The following SLIT3 variants were observed in gnomAD, a reference collection of about 807,000 sequenced individuals.
The protein encoded by SLIT3 is slit homolog 3 protein.
Under a neutral mutation model 184.0 loss-of-function variants are expected in SLIT3, and 68 were observed. That is an observed-to-expected ratio of 0.37 (90% CI 0.30 to 0.45). The LOEUF (loss-of-function observed/expected upper bound fraction) is 0.45. Ranked by LOEUF, SLIT3 falls within the 20% of genes least tolerant of loss-of-function variation. The pLI, the probability that SLIT3 is intolerant of heterozygous loss-of-function variation, is 1.00. For missense variants in SLIT3, 1,707 were observed against 2,026.0 expected, an observed-to-expected ratio of 0.84 and a Z score of 3.02; for synonymous variants, 831 against 828.6, an observed-to-expected ratio of 1.00 and a Z score of -0.05.
At chr5:168,961,124 C>T (rs1161301758) in intron 4 of SLIT3, among the ~76,000 whole-genome samples, 1 of 152,206 alleles carries the variant, frequency 6.6e-6, no homozygotes, top group African/African-American at 2.4e-5. Context: ...CTTACCTCCC[C>T]TTTCCCCCTT....
chr5:168,811,136 T>C (rs192910728), intron 8 of SLIT3, among the ~76,000 whole-genome samples: 1 of 152,120 alleles, frequency 6.6e-6, no homozygotes, highest in Admixed American at 6.5e-5. Context: ...GATGGGCCCA[T>C]GGAGATGGCA....
chr5:169,290,094 T>TACGCCAGGGCAC (rs1408498161), intron 1 of SLIT3, among the ~76,000 whole-genome samples: 23 of 147,998 alleles, frequency 1.6e-4, no homozygotes, highest in Non-Finnish European at 3.0e-4. Flanking sequence ...CACTAGGGCA[T>TACGCCAGGGCAC]ACGCCAGGGC....
At chr5:169,247,379 A>C (rs897849390) in intron 2 of SLIT3, among the ~76,000 whole-genome samples, 1 of 152,192 alleles carries the variant, frequency 6.6e-6, no homozygotes, top group South Asian at 2.1e-4. Context: ...AGTTTTTACT[A>C]TCCATCCACC....
rs1254828308 is a variant in SLIT3 at position 168,665,170 on chromosome 5, A to AAACT, written c.*1280_*1283dup. 1 of 152,156 alleles carries AAACT rather than the reference A, an allele frequency of 6.6e-6. No individual in the cohort carries two copies. The highest frequency in any genetic ancestry group is 2.4e-5 in the African/African-American group (1 of 41,420). The allele number at this position is 152,156 out of a possible 1,614,324, so 9.4% of individuals were successfully genotyped here. On this transcript the variant is annotated 3_prime_UTR_variant, in exon 36 of 36. Transcript: ENST00000519560. ...CAAGTTCCAGAGCCTGTGAGGGCCT[A>AAACT]AACTTCCTTCTTAGTGAACCCAGCT... is the stretch of plus-strand genomic sequence containing the variant.
intron 5 of SLIT3, among the ~76,000 whole-genome samples, chr5:168,877,737 TA>T (rs1759786793): frequency 2.6e-5 from 4 of 152,162 alleles, no homozygotes; most frequent in Non-Finnish European, 4.4e-5. Flanking sequence ...CAAATTCTGC[TA>T]GCTGGCAGAG....
At chr5:168,966,905 A>C (rs935085539) in intron 4 of SLIT3, among the ~76,000 whole-genome samples, 1 of 152,184 alleles carries the variant, frequency 6.6e-6, no homozygotes, top group African/African-American at 2.4e-5. Flanking sequence ...ATTTGGCAAT[A>C]TATTTCAAAA....
intron 4 of SLIT3, among the ~76,000 whole-genome samples, chr5:168,997,269 A>C (rs765220430): frequency 6.6e-6 from 1 of 152,138 alleles, no homozygotes; most frequent in African/African-American, 2.4e-5. Context: ...AGGGTTGGGA[A>C]GGGGCAAACA....
intron 4 of SLIT3, among the ~76,000 whole-genome samples, chr5:169,154,593 G>T (rs1277227274): frequency 6.6e-6 from 1 of 152,242 alleles, no homozygotes; most frequent in Non-Finnish European, 1.5e-5. Context: ...TCCATTGGCT[G>T]TGCAAACTCG....
intron 4 of SLIT3, among the ~76,000 whole-genome samples, chr5:168,998,475 G>T (rs1755587253): frequency 6.6e-6 from 1 of 152,168 alleles, no homozygotes; most frequent in South Asian, 2.1e-4. Flanking sequence ...GGAGGCTGAG[G>T]CGGGCAGATC....
Position 168,867,718 on chromosome 5 carries a change from G to T in SLIT3, c.485+15547C>A, listed in dbSNP as rs192268717. 6.6e-5 allele frequency among the ~76,000 whole-genome samples: 10 copies of T among 152,292 alleles called. 1 individual carries two copies. Among genetic ancestry groups the T allele is most frequent in the Admixed American group, 4.6e-4 (7 of 15,300 alleles). ...ATCTGCTCCCATATTTGCCTCCCCC[G>T]AGCCTTCTTGATTGCCACGATTAGA... On this transcript the variant is annotated intron_variant, in intron 5 of 35. Coordinates refer to ENST00000519560, the MANE Select transcript of SLIT3 (RefSeq NM_003062.4).
intron 4 of SLIT3, among the ~76,000 whole-genome samples, chr5:168,967,589 G>C (rs564270799): frequency 1.4e-5 from 2 of 143,380 alleles, no homozygotes; most frequent in Non-Finnish European, 1.5e-5. Flanking sequence ...ACAGGCGCCC[G>C]CCACTACGCC....
intron 4 of SLIT3, among the ~76,000 whole-genome samples, chr5:169,174,801 C>G (rs1416063841): frequency 6.6e-6 from 1 of 152,144 alleles, no homozygotes; most frequent in Non-Finnish European, 1.5e-5. Flanking sequence ...CCTGTCCTCA[C>G]CTGTCCCACC....
In SLIT3 at chr5:169,247,759, C is replaced by A. The variant is rs114830836; in HGVS notation, c.270-2983G>T. On this transcript the variant is annotated intron_variant, in intron 2 of 35. Coordinates refer to ENST00000519560, the MANE Select transcript of SLIT3 (RefSeq NM_003062.4). ...GGGACTATAGGCGCATGCCACCACA[C>A]CCACCTAATTTTTTTTAGGAGGGGA... Among the ~76,000 whole-genome samples, 777 of 152,148 alleles carry A rather than the reference C, an allele frequency of 5.1e-3. 7 individuals are homozygous for A. Among genetic ancestry groups the A allele is most frequent in the African/African-American group, 0.018 (738 of 41,504 alleles).
intron 4 of SLIT3, among the ~76,000 whole-genome samples, chr5:168,891,371 A>C (rs1046697361): frequency 1.3e-5 from 2 of 152,194 alleles, no homozygotes; most frequent in African/African-American, 4.8e-5. Flanking sequence ...GTAAGAGTCC[A>C]TGGATGGTTA....
At chr5:169,141,370 T>G (rs1761730365) in intron 4 of SLIT3, among the ~76,000 whole-genome samples, 1 of 152,198 alleles carries the variant, frequency 6.6e-6, no homozygotes, top group Non-Finnish European at 1.5e-5. Context: ...TGAAAAGGTT[T>G]TGTCCAGGCC....
chr5:169,200,840 G>A (rs1325618171), intron 3 of SLIT3, among the ~76,000 whole-genome samples: 1 of 152,098 alleles, frequency 6.6e-6, no homozygotes, highest in African/African-American at 2.4e-5. Flanking sequence ...CAAACTGGAT[G>A]TAATCTGAGC....
chr5:168,762,061 A>C (rs6891874), intron 15 of SLIT3, among the ~76,000 whole-genome samples: 65,173 of 151,132 alleles, frequency 0.43, 14,278 homozygotes, highest in East Asian at 0.55. Flanking sequence ...ATGACCCACC[A>C]ACCATGGCCC....
At chr5:168,798,679 G>T (rs975219701) in intron 9 of SLIT3, among the ~76,000 whole-genome samples, 2 of 152,066 alleles carry the variant, frequency 1.3e-5, no homozygotes, top group Non-Finnish European at 2.9e-5. Context: ...CAGTGGGAGC[G>T]TGGTTGCGAA....
intron 4 of SLIT3, among the ~76,000 whole-genome samples, chr5:168,928,787 C>A (rs553299448): frequency 6.6e-6 from 1 of 152,146 alleles, no homozygotes; most frequent in Non-Finnish European, 1.5e-5. Context: ...ACTTTCACAC[C>A]TATTTCTCCC....
Sources: gnomAD v4.1 joint callset for allele counts (sites outside exome capture counted in the v4.1 genomes callset) on GRCh38, gnomAD v4.1.1 for gene constraint, MANE v1.5 for transcripts, NCBI Gene and HGNC (gene_info 2026-07-23, HGNC 2026-07-21) for gene names.